PRSS12: variants seen among roughly 807,000 people sequenced by gnomAD.
PRSS12 encodes serine protease 12, also known as neurotrypsin.
In PRSS12, 85 loss-of-function variants were observed where a neutral mutation model predicts 104.4. The ratio of observed to expected loss-of-function variants is 0.81; its 90% CI spans 0.68 to 0.98. The LOEUF (loss-of-function observed/expected upper bound fraction) is 0.98. Ranked by LOEUF, PRSS12 falls within the 50% of genes least tolerant of loss-of-function variation. The probability of loss-of-function intolerance (pLI) is 0.00; values close to 1 mark genes in which losing one functional copy is unlikely to be tolerated. For synonymous variants in PRSS12, 454 were observed against 425.2 expected (o/e 1.07, Z -0.83); for missense variants, 1,141 against 1,139.2 (o/e 1.00, Z -0.02).
At position 118,306,532 on chromosome 4, in the gene PRSS12, G is replaced by A. The variant is rs1743558043; in HGVS notation, c.1631+1904C>T. On this transcript the variant is annotated intron_variant, in intron 8 of 12. Transcript: ENST00000296498. ...CACACAGCAACAGTAGCAGCAGAAA[G>A]CGGGGTGGGAGGGTGCCACACACTT... Among the ~76,000 whole-genome samples the A allele has an allele frequency of 2.0e-5, 3 of 152,242 alleles. No individual in the cohort carries two copies. The Middle Eastern group carries it at 0.01, about 518-fold the overall frequency.
intron 11 of PRSS12, 103 bp from the exon 12 acceptor site, chr4:118,283,214 G>A: frequency 3.5e-6 from 5 of 1,412,422 alleles, no homozygotes; most frequent in Non-Finnish European, 5.0e-6. Flanking sequence ...CAAATCATCA[G>A]CCCCTTTTGT....
At chr4:118,329,597 G>A (rs1723866611) in intron 4 of PRSS12, among the ~76,000 whole-genome samples, 1 of 152,124 alleles carries the variant, frequency 6.6e-6, no homozygotes, top group African/African-American at 2.4e-5. Context: ...ATAGTGTTTG[G>A]TGCTCTGTCA....
chr4:118,287,585 G>A lies in PRSS12; in HGVS notation c.2040-4474C>T, dbSNP rs1320578690. 2.0e-5 allele frequency among the ~76,000 whole-genome samples: 3 copies of A among 152,146 alleles called. No individual in the cohort carries two copies. The South Asian group carries it at 6.2e-4, about 31-fold the overall frequency. On this transcript the variant is annotated intron_variant, in intron 11 of 12. Coordinates refer to ENST00000296498, the MANE Select transcript of PRSS12 (RefSeq NM_003619.4). ...TTTGAAGAGCATCTGACACAAGATT[G>A]GAATAGTTTTCCAACCAAATTTTTG...
In PRSS12 at chr4:118,316,324, CTG is replaced by C; in HGVS notation, c.1151-3_1151-2del. 3 of 1,613,970 alleles carry C rather than the reference CTG, an allele frequency of 1.9e-6. No homozygotes were observed. Among genetic ancestry groups the C allele is most frequent in the Non-Finnish European group, 2.5e-6 (3 of 1,179,970 alleles). ...CCACCTGCAAGTCTGATGACCCCATCTGTGATAAAGAGGAGACACAGAGACTA... is the reference window on the plus strand; with the variant it reads ...CCACCTGCAAGTCTGATGACCCCATCTGATAAAGAGGAGACACAGAGACTA... On this transcript the variant is annotated splice_acceptor_variant and splice_polypyrimidine_tract_variant and intron_variant, in intron 5 of 12. Coordinates refer to ENST00000296498, the MANE Select transcript of PRSS12 (RefSeq NM_003619.4). LOFTEE classifies it high-confidence loss of function.
At position 118,283,005 on chromosome 4, in the gene PRSS12, G is replaced by A. The variant is rs764303768; in HGVS notation, c.2146C>T (p.Arg716Trp). 40 of 1,613,972 alleles carry A rather than the reference G, an allele frequency of 2.5e-5. No homozygotes were observed. Among genetic ancestry groups the A allele is most frequent in the Middle Eastern group, 3.3e-4 (2 of 6,084 alleles). The change falls in exon 12 of 13, where the codon CGG becomes TGG. Residue 716 changes from arginine to tryptophan, a missense_variant. Coordinates refer to ENST00000296498, the MANE Select transcript of PRSS12 (RefSeq NM_003619.4). ...TCACTGCGGTCGGGTCGATACTCCCGATGAATCACAATCTGTTGAACTCCA... is the reference window on the plus strand; with the variant it reads ...TCACTGCGGTCGGGTCGATACTCCCAATGAATCACAATCTGTTGAACTCCA... ...EIGVQQIVIHREYRPDRSDYD... is the reference protein window; with the variant it reads ...EIGVQQIVIHWEYRPDRSDYD...
chr4:118,352,290 G>T lies in PRSS12; in HGVS notation c.431C>A (p.Ala144Glu). 6.2e-7 allele frequency: 1 copy of T among 1,606,132 alleles called. No individual in the cohort carries two copies. The change falls in exon 1 of 13, where the codon GCG becomes GAG. Residue 144 changes from alanine (A) to glutamate (E), a missense_variant. By Grantham distance (107) the Ala-to-Glu change is moderately radical (BLOSUM62 -1). Transcript: ENST00000296498. ...TCCGTAGAAACACCAGGGTCTGCCC[G>T]CGCCGTCGGGGCTCCGACAAAAGTT... is the stretch of plus-strand genomic sequence containing the variant. ...RHNFCRSPDG[A>E]GRPWCFYGDA...
At position 118,313,232 on chromosome 4, in the gene PRSS12, G is replaced by A. The variant is rs749281525; in HGVS notation, c.1458C>T (p.Tyr486=). ...SHREDVSIAC[Y]PGGEGHRLSL... ...AGAGCCTGTGTCCCTCGCCGCCAGG[G>A]TAGCAGGCAATGCTAACATCTTCGC... The change falls in exon 7 of 13, where the codon TAC becomes TAT. Residue 486 remains tyrosine (Y), a synonymous_variant. Coordinates refer to ENST00000296498, the MANE Select transcript of PRSS12 (RefSeq NM_003619.4). The A allele has an allele frequency of 1.9e-6, 3 of 1,613,940 alleles. No homozygotes were observed. Among genetic ancestry groups the A allele is most frequent in the South Asian group, 1.1e-5 (1 of 91,068 alleles).
chr4:118,324,614 A>G (rs1344670584), intron 4 of PRSS12, among the ~76,000 whole-genome samples: 1 of 152,080 alleles, frequency 6.6e-6, no homozygotes, highest in East Asian at 1.9e-4. Flanking sequence ...AAGATAAGAG[A>G]GTACAAGCCC....
Position 118,352,775 on chromosome 4 carries a change from G to T in PRSS12, c.-55C>A. 1 of 1,603,836 alleles carries T rather than the reference G, an allele frequency of 6.2e-7. No individual in the cohort carries two copies. Among genetic ancestry groups the T allele is most frequent in the Non-Finnish European group, 8.5e-7 (1 of 1,176,510 alleles). ...CTCCCCAGCTTCTCGGGCTTGGAGCGGAGAAGAGGAGGGGGCGGGGGCGGG... is the reference window on the plus strand; with the variant it reads ...CTCCCCAGCTTCTCGGGCTTGGAGCTGAGAAGAGGAGGGGGCGGGGGCGGG... On this transcript the variant is annotated 5_prime_UTR_variant, in exon 1 of 13. Transcript: ENST00000296498.
Position 118,352,563 on chromosome 4 carries a change from G to A in PRSS12, c.158C>T (p.Pro53Leu), listed in dbSNP as rs1309148650. 2.6e-6 allele frequency: 4 copies of A among 1,546,216 alleles called. No homozygotes were observed. The highest frequency in any genetic ancestry group is 1.7e-4 in the Middle Eastern group (1 of 5,926). Reference sequence around the variant, plus strand: ...AGGCGGCGGCGGACGCGTCCTCGGGGGCCGCTGCTGGGTGGGAAGGTAATA... The same window carrying A: ...AGGCGGCGGCGGACGCGTCCTCGGGAGCCGCTGCTGGGTGGGAAGGTAATA... ...YPYYLPTQQR[P>L]PRTRPPPPLP... The change falls in exon 1 of 13, where the codon CCC becomes CTC. Residue 53 changes from proline to leucine, a missense_variant. Physicochemically the swap from Pro to Leu is moderately conservative, Grantham distance 98. Coordinates refer to ENST00000296498, the MANE Select transcript of PRSS12 (RefSeq NM_003619.4).
chr4:118,288,341 A>G (rs1166937404), intron 11 of PRSS12, among the ~76,000 whole-genome samples: 1 of 152,230 alleles, frequency 6.6e-6, no homozygotes, highest in Non-Finnish European at 1.5e-5. Flanking sequence ...TGATATGTGT[A>G]TTACCAAAGG....
intron 1 of PRSS12, 27 bp from the exon 2 acceptor site, chr4:118,338,341 C>T: frequency 6.2e-7 from 1 of 1,613,410 alleles, no homozygotes; most frequent in Admixed American, 1.7e-5. Context: ...TCCCAAAACC[C>T]TTTAATAGTA....
intron 1 of PRSS12, among the ~76,000 whole-genome samples, chr4:118,344,131 G>A (rs1447096865): frequency 6.6e-6 from 1 of 152,050 alleles, no homozygotes; most frequent in Non-Finnish European, 1.5e-5. Flanking sequence ...GAGTGATACA[G>A]AAATTTCAAT....
chr4:118,287,583 T>C (rs887212307), intron 11 of PRSS12, among the ~76,000 whole-genome samples: 9 of 152,190 alleles, frequency 5.9e-5, no homozygotes, highest in Non-Finnish European at 1.3e-4. Context: ...TGACACAAGA[T>C]TGGAATAGTT....
chr4:118,338,031 T>C, intron 2 of PRSS12, 145 bp downstream of exon 2: 3 of 1,082,798 alleles, frequency 2.8e-6, no homozygotes, highest in Non-Finnish European at 4.1e-6. Flanking sequence ...TTTGGGGCCC[T>C]TTCTTTATAG....
chr4:118,323,507 A>T (rs747627952), intron 4 of PRSS12, among the ~76,000 whole-genome samples: 8 of 151,836 alleles, frequency 5.3e-5, no homozygotes, highest in Admixed American at 2.6e-4. Flanking sequence ...GCAAAAGGAA[A>T]AAGGAAGAGA....
At chr4:118,305,900 A>G (rs1179643867) in intron 8 of PRSS12, 1 of 152,188 alleles carries the variant, frequency 6.6e-6, no homozygotes, top group East Asian at 1.9e-4. Context: ...GGAATCATGT[A>G]GTATTTGTCT....
chr4:118,337,815 A>G (rs1724099535), intron 2 of PRSS12, among the ~76,000 whole-genome samples: 1 of 152,042 alleles, frequency 6.6e-6, no homozygotes, highest in Non-Finnish European at 1.5e-5. Context: ...TTAATTCATT[A>G]TAATTCTAAG....
At chr4:118,335,008 C>T (rs1183948271) in intron 3 of PRSS12, among the ~76,000 whole-genome samples, 3 of 152,106 alleles carry the variant, frequency 2.0e-5, no homozygotes, top group Non-Finnish European at 4.4e-5. Context: ...GCCAACAATC[C>T]ATTTTTAGGG....
Sources: gnomAD v4.1 joint callset for allele counts (sites outside exome capture counted in the v4.1 genomes callset) on GRCh38, gnomAD v4.1.1 for gene constraint, MANE v1.5 for transcripts, NCBI Gene and HGNC (gene_info 2026-07-23, HGNC 2026-07-21) for gene names.